The following MAN1A1 variants were observed in gnomAD, a reference collection of about 807,000 sequenced individuals.
MAN1A1 encodes the protein mannosyl-oligosaccharide 1,2-alpha-mannosidase IA.
In MAN1A1, 29 loss-of-function variants were observed where a neutral mutation model predicts 70.8. That is an observed-to-expected ratio of 0.41 (90% CI 0.31 to 0.56). The LOEUF (loss-of-function observed/expected upper bound fraction) is 0.56. Ranked by LOEUF, MAN1A1 falls within the 20% of genes least tolerant of loss-of-function variation. MAN1A1 has a pLI of 0.29. For synonymous variants in MAN1A1, 349 were observed against 330.1 expected (o/e 1.06, Z -0.62); for missense variants, 747 against 841.3 (o/e 0.89, Z 1.39).
At position 119,283,859 on chromosome 6, in the gene MAN1A1, CAAG is replaced by C. The variant is rs1341592048; in HGVS notation, c.897+6821_897+6823del. ...GGCCACATGGACCAGTGGTGGTTTG[CAAG>C]AAGACTGTGTGGAGTGATGACAACT... On this transcript the variant is annotated intron_variant, in intron 5 of 12. Transcript: ENST00000368468. Among the ~76,000 whole-genome samples the C allele has an allele frequency of 2.6e-5, 4 of 152,174 alleles. No homozygotes were observed. The South Asian group carries it at 6.2e-4, about 24-fold the overall frequency.
rs1773805421 is a variant in MAN1A1, at chr6:119,348,590, T to C, written c.476A>G (p.Gln159Arg). The C allele has an allele frequency of 5.0e-6, 8 of 1,613,980 alleles. No homozygotes were observed. The highest frequency in any genetic ancestry group is 6.8e-6 in the Non-Finnish European group (8 of 1,179,916). The change falls in exon 2 of 13, where the codon CAG becomes CGG. Residue 159 changes from glutamine to arginine, a missense_variant. By Grantham distance (43) the Gln-to-Arg change is conservative (BLOSUM62 1). Around this residue, in one of 2 missense-constraint regions of MAN1A1, gnomAD observed 328 missense variants for 293.1 expected, o/e 1.12. Coordinates refer to ENST00000368468, the MANE Select transcript of MAN1A1 (RefSeq NM_005907.4). ...CGGCGCCTTGTCACGCAGCTGGTCCTGGGCCACCTTCTTCTTCTCCAGTAG... is the reference window on the plus strand; with the variant it reads ...CGGCGCCTTGTCACGCAGCTGGTCCCGGGCCACCTTCTTCTTCTCCAGTAG... ...DILLEKKKVA[Q>R]DQLRDKAPFR...
At chr6:119,296,270 G>A (rs1376926464) in intron 4 of MAN1A1, among the ~76,000 whole-genome samples, 1 of 152,126 alleles carries the variant, frequency 6.6e-6, no homozygotes, top group Non-Finnish European at 1.5e-5. Context: ...TCTTCTCTAT[G>A]TTAATAGACT....
At chr6:119,338,069 T>TA (rs61463278) in intron 2 of MAN1A1, among the ~76,000 whole-genome samples, 33,201 of 139,646 alleles carry the variant, frequency 0.24, 4,166 homozygotes, top group East Asian at 0.33. Flanking sequence ...GCTAGTTGAC[T>TA]AAAAAAAAAA....
At chr6:119,255,935 T>G in intron 5 of MAN1A1, among the ~76,000 whole-genome samples, 1 of 152,360 alleles carries the variant, frequency 6.6e-6, no homozygotes, top group East Asian at 1.9e-4. Flanking sequence ...AAAAATATAT[T>G]TAATTAGATG....
chr6:119,217,276 A>AT (rs1436125485), intron 6 of MAN1A1, among the ~76,000 whole-genome samples: 7 of 151,878 alleles, frequency 4.6e-5, no homozygotes, highest in East Asian at 1.9e-4. Flanking sequence ...GGCAAATTGA[A>AT]TTTTTTTTGT....
chr6:119,214,225 A>G (rs1774134075), intron 6 of MAN1A1, among the ~76,000 whole-genome samples: 1 of 152,212 alleles, frequency 6.6e-6, no homozygotes, highest in East Asian at 1.9e-4. Flanking sequence ...CGGCCTCCCA[A>G]AGTGCTGGGA....
chr6:119,211,307 T>TAA (rs1398564773), intron 6 of MAN1A1, among the ~76,000 whole-genome samples: 2 of 152,238 alleles, frequency 1.3e-5, no homozygotes, highest in African/African-American at 4.8e-5. Flanking sequence ...AGGCTTTTAG[T>TAA]AACTCTCCAA....
intron 5 of MAN1A1, among the ~76,000 whole-genome samples, chr6:119,268,825 G>A (rs377490250): frequency 2.0e-5 from 3 of 152,150 alleles, no homozygotes; most frequent in African/African-American, 7.2e-5. Context: ...GGACTCAAGC[G>A]ATCTCTTGGC....
intron 4 of MAN1A1, among the ~76,000 whole-genome samples, chr6:119,291,501 T>C (rs1245156886): frequency 6.7e-6 from 1 of 149,586 alleles, no homozygotes; most frequent in African/African-American, 2.5e-5. Context: ...TATTCTCTAT[T>C]TGTGTAAACA....
intron 6 of MAN1A1, among the ~76,000 whole-genome samples, chr6:119,240,536 T>A (rs1414146048): frequency 6.6e-6 from 1 of 152,108 alleles, no homozygotes; most frequent in Non-Finnish European, 1.5e-5. Context: ...GGTCTGCTCC[T>A]GCCTTCAGAG....
chr6:119,248,462 C>G, intron 5 of MAN1A1, 108 bp from the exon 6 acceptor site: 1 of 653,026 alleles, frequency 1.5e-6, no homozygotes, highest in Non-Finnish European at 2.7e-6. Context: ...TTAGTATTTT[C>G]TACTTTTAAT....
intron 6 of MAN1A1, among the ~76,000 whole-genome samples, chr6:119,207,962 G>C (rs1182112014): frequency 2.0e-5 from 3 of 152,090 alleles, no homozygotes; most frequent in African/African-American, 7.2e-5. Flanking sequence ...GACAGCTATG[G>C]TGTTATCTGG....
intron 6 of MAN1A1, among the ~76,000 whole-genome samples, chr6:119,217,887 T>A (rs1261265275): frequency 6.6e-6 from 1 of 152,230 alleles, no homozygotes; most frequent in Non-Finnish European, 1.5e-5. Flanking sequence ...TTACATTGTA[T>A]ACATTACTTA....
At chr6:119,247,794 C>A (rs1775207365) in intron 6 of MAN1A1, among the ~76,000 whole-genome samples, 1 of 152,136 alleles carries the variant, frequency 6.6e-6, no homozygotes, top group African/African-American at 2.4e-5. Context: ...CACAGGTGCT[C>A]CCAGTCTCCG....
chr6:119,247,636 G>A (rs1244061049), intron 6 of MAN1A1, among the ~76,000 whole-genome samples: 1 of 151,542 alleles, frequency 6.6e-6, no homozygotes, highest in Non-Finnish European at 1.5e-5. Context: ...AGCCTGGGAT[G>A]TGTGTGTGTG....
chr6:119,241,103 C>T (rs1179110660), intron 6 of MAN1A1, among the ~76,000 whole-genome samples: 1 of 151,924 alleles, frequency 6.6e-6, no homozygotes, highest in Non-Finnish European at 1.5e-5. Flanking sequence ...CTTATTTTTT[C>T]CCCTCTATGC....
At chr6:119,207,851 C>T (rs575952839) in intron 6 of MAN1A1, among the ~76,000 whole-genome samples, 28 of 152,162 alleles carry the variant, frequency 1.8e-4, no homozygotes, top group Admixed American at 7.2e-4. Flanking sequence ...CGGGCATTCC[C>T]GGTTACCAAA....
chr6:119,289,045 A>G (rs1776458339), intron 5 of MAN1A1, among the ~76,000 whole-genome samples: 1 of 136,214 alleles, frequency 7.3e-6, no homozygotes, highest in Admixed American at 7.6e-5. Flanking sequence ...GGCAAACTAT[A>G]ATATCTGTGG....
intron 6 of MAN1A1, among the ~76,000 whole-genome samples, chr6:119,241,058 T>A (rs545952098): frequency 3.9e-5 from 6 of 152,330 alleles, no homozygotes; most frequent in Admixed American, 3.9e-4. Flanking sequence ...AGCTTTACTT[T>A]TAAACAGTAA....
Sources: gnomAD v4.1 joint callset for allele counts (sites outside exome capture counted in the v4.1 genomes callset) on GRCh38, gnomAD v4.1.1 for gene constraint, gnomAD v4.1.1 regional missense constraint, MANE v1.5 for transcripts, NCBI Gene and HGNC (gene_info 2026-07-23, HGNC 2026-07-21) for gene names.